TEKTIP1: variants seen among roughly 807,000 people sequenced by gnomAD.
TEKTIP1 encodes the protein tektin bundle-interacting protein 1.
chr19:3,539,592 T>A, the TEKTIP1 span: 2 of 320,638 alleles, frequency 6.2e-6, no homozygotes, highest in Non-Finnish European at 1.2e-5. Context: ...GCTGAGAGAG[T>A]CTGTCCCACA....
At chr19:3,543,489 C>T in the TEKTIP1 span, 25 of 1,520,942 alleles carry the variant, frequency 1.6e-5, no homozygotes, top group Non-Finnish European at 1.9e-5. Flanking sequence ...TGCCCCCCCC[C>T]CCGCCCTGGG....
chr19:3,543,279 TCAGG>T, the TEKTIP1 span: 1 of 1,547,960 alleles, frequency 6.5e-7, no homozygotes, highest in Non-Finnish European at 8.7e-7. Context: ...CCACCAGCCA[TCAGG>T]CAGGCCACAC....
At chr19:3,540,944 G>A in the TEKTIP1 span, among the ~76,000 whole-genome samples, 4 of 151,838 alleles carry the variant, frequency 2.6e-5, no homozygotes, top group Non-Finnish European at 5.9e-5. Context: ...GCCGAGGCGG[G>A]TGGATCACGA....
chr19:3,541,903 G>A, the TEKTIP1 span: 1 of 676,858 alleles, frequency 1.5e-6, no homozygotes, highest in Non-Finnish European at 1.8e-6. Flanking sequence ...CCGCCTCCCG[G>A]GTTCAAGCTA....
At chr19:3,543,115 G>T in the TEKTIP1 span, 1 of 1,523,992 alleles carries the variant, frequency 6.6e-7, no homozygotes. Context: ...AAGTGGCGAG[G>T]GAGGGAGACC....
the TEKTIP1 span, chr19:3,542,161 C>T: frequency 3.0e-6 from 3 of 985,342 alleles, no homozygotes; most frequent in Non-Finnish European, 3.6e-6. Flanking sequence ...TCTTGCAATT[C>T]ATTTCAAAAG....
the TEKTIP1 span, chr19:3,543,536 A>T: frequency 8.2e-7 from 1 of 1,220,094 alleles, no homozygotes; most frequent in Non-Finnish European, 1.1e-6. Context: ...AATGACCGCC[A>T]GCCCCCGCCC....
At chr19:3,540,445 A>T in the TEKTIP1 span, among the ~76,000 whole-genome samples, 1 of 151,184 alleles carries the variant, frequency 6.6e-6, no homozygotes, top group Non-Finnish European at 1.5e-5. Flanking sequence ...TTTAGTAGAG[A>T]CGGGGTTTCA....
the TEKTIP1 span, chr19:3,543,068 T>C: frequency 3.1e-6 from 5 of 1,593,156 alleles, no homozygotes; most frequent in Admixed American, 5.2e-5. Context: ...AAGCACCCAC[T>C]CTGGGGTGAG....
At chr19:3,542,277 G>T in the TEKTIP1 span, 2 of 985,402 alleles carry the variant, frequency 2.0e-6, no homozygotes, top group South Asian at 4.7e-5. Context: ...CCCATGTTCT[G>T]TGGGCACCTG....
chr19:3,542,373 C>T, the TEKTIP1 span: 9 of 985,270 alleles, frequency 9.1e-6, no homozygotes, highest in Non-Finnish European at 1.1e-5. Context: ...TTGTTTTGAA[C>T]CCTGCTAGAC....
At chr19:3,542,171 G>A in the TEKTIP1 span, 2 of 985,384 alleles carry the variant, frequency 2.0e-6, no homozygotes, top group Non-Finnish European at 2.4e-6. Flanking sequence ...CATTTCAAAA[G>A]GGTGAGGTTC....
the TEKTIP1 span, chr19:3,542,727 C>T: frequency 7.6e-7 from 1 of 1,311,728 alleles, no homozygotes; most frequent in Admixed American, 2.3e-5. Flanking sequence ...AAGTGATCCA[C>T]CTGCCTCAGC....
At chr19:3,540,628 C>T in the TEKTIP1 span, among the ~76,000 whole-genome samples, 2 of 151,646 alleles carry the variant, frequency 1.3e-5, no homozygotes, top group African/African-American at 4.8e-5. Context: ...GCCTGTAATT[C>T]CAGCACTTTC....
At chr19:3,543,809 G>A in the TEKTIP1 span, 2 of 1,505,918 alleles carry the variant, frequency 1.3e-6, no homozygotes, top group Non-Finnish European at 1.8e-6. Context: ...GGCACATGGT[G>A]ACCCGAGTCC....
At chr19:3,543,484 C>T in the TEKTIP1 span, 33 of 1,513,400 alleles carry the variant, frequency 2.2e-5, no homozygotes, top group Non-Finnish European at 2.8e-5. Context: ...GTGAGTGCCC[C>T]CCCCCCCGCC....
the TEKTIP1 span, among the ~76,000 whole-genome samples, chr19:3,540,538 G>T: frequency 6.6e-6 from 1 of 151,678 alleles, no homozygotes; most frequent in Non-Finnish European, 1.5e-5. Context: ...TTACAGGCGT[G>T]AGGCACCGCG....
the TEKTIP1 span, chr19:3,542,201 T>A: frequency 1.0e-6 from 1 of 985,348 alleles, no homozygotes; most frequent in Non-Finnish European, 1.2e-6. Flanking sequence ...TGAAATTGCC[T>A]TTCTAGTGGA....
chr19:3,543,838 G>A, the TEKTIP1 span: 8 of 1,534,032 alleles, frequency 5.2e-6, no homozygotes, highest in East Asian at 1.5e-4. Flanking sequence ...GTGCTCAACA[G>A]GAACCGGTAC....
Sources: gnomAD v4.1 joint callset for allele counts (sites outside exome capture counted in the v4.1 genomes callset) on GRCh38, gnomAD v4.1.1 for gene constraint, MANE v1.5 for transcripts, NCBI Gene and HGNC (gene_info 2026-07-23, HGNC 2026-07-21) for gene names.